Variants in NDST3 observed in about 807,000 individuals in gnomAD.
NDST3 encodes the protein bifunctional heparan sulfate N-deacetylase/N-sulfotransferase 3.
NDST3 carries 58 observed loss-of-function variants against 96.1 expected under a neutral mutation model. That is an observed-to-expected ratio of 0.60 (90% CI 0.49 to 0.75). The LOEUF is 0.75. Among genes scored for constraint, NDST3 ranks in the 30% least tolerant of loss-of-function variants. The probability of loss-of-function intolerance (pLI) is 0.00; values close to 1 mark genes in which losing one functional copy is unlikely to be tolerated. For synonymous variants in NDST3, 333 were observed against 359.7 expected, an observed-to-expected ratio of 0.93 and a Z score of 0.84; for missense variants, 788 against 1,034.2, an observed-to-expected ratio of 0.76 and a Z score of 3.27.
At chr4:118,223,297 C>A (rs996709565) in intron 6 of NDST3, among the ~76,000 whole-genome samples, 3 of 151,934 alleles carry the variant, frequency 2.0e-5, no homozygotes, top group African/African-American at 7.2e-5. Context: ...ATTGAAGTTG[C>A]TATTAAAAAA....
At chr4:118,078,368 G>A (rs1727742171) in intron 2 of NDST3, among the ~76,000 whole-genome samples, 1 of 152,070 alleles carries the variant, frequency 6.6e-6, no homozygotes, top group South Asian at 2.1e-4. Flanking sequence ...TAGACTGAAA[G>A]GCTTCTCATC....
chr4:118,076,379 C>T (rs1727531788), intron 2 of NDST3, among the ~76,000 whole-genome samples: 1 of 152,126 alleles, frequency 6.6e-6, no homozygotes, highest in South Asian at 2.1e-4. Context: ...TGGATGATAT[C>T]CTCAAATATG....
chr4:118,189,198 C>T (rs1737151518), intron 6 of NDST3, among the ~76,000 whole-genome samples: 1 of 152,030 alleles, frequency 6.6e-6, no homozygotes, highest in African/African-American at 2.4e-5. Context: ...CACAGGTACA[C>T]GCCAGCATGC....
At chr4:118,228,086 T>C (rs1446066216) in intron 8 of NDST3, among the ~76,000 whole-genome samples, 1 of 152,200 alleles carries the variant, frequency 6.6e-6, no homozygotes, top group Non-Finnish European at 1.5e-5. Flanking sequence ...ACATTCCCTC[T>C]CCTCATTGAT....
intron 2 of NDST3, among the ~76,000 whole-genome samples, chr4:118,069,516 AT>A (rs1726869575): frequency 6.6e-6 from 1 of 152,032 alleles, no homozygotes; most frequent in African/African-American, 2.4e-5. Context: ...ATAAATTTTT[AT>A]TATTTTAAAT....
At chr4:118,200,316 C>A (rs1205770815) in intron 6 of NDST3, among the ~76,000 whole-genome samples, 2 of 152,198 alleles carry the variant, frequency 1.3e-5, no homozygotes, top group Non-Finnish European at 2.9e-5. Flanking sequence ...GCGAGCCTCA[C>A]CTCATGGCCA....
At chr4:118,152,865 G>A (rs150333689) in intron 6 of NDST3, among the ~76,000 whole-genome samples, 20 of 152,210 alleles carry the variant, frequency 1.3e-4, no homozygotes, top group African/African-American at 4.6e-4. Flanking sequence ...TGCCTCGTCC[G>A]CTGGATTCTC....
At chr4:118,122,461 T>C (rs2125875833) in intron 4 of NDST3, among the ~76,000 whole-genome samples, 1 of 147,268 alleles carries the variant, frequency 6.8e-6, no homozygotes, top group East Asian at 2.0e-4. Context: ...CACTCCATGT[T>C]CCCATGCATT....
chr4:118,137,903 G>A (rs1733246870), intron 4 of NDST3, 151 bp from the exon 5 acceptor site: 1 of 617,840 alleles, frequency 1.6e-6, no homozygotes, highest in Non-Finnish European at 2.6e-6. Context: ...ACGTCTAGAG[G>A]TGTTAATACT....
chr4:118,191,693 A>G (rs1046929292), intron 6 of NDST3, among the ~76,000 whole-genome samples: 5 of 152,230 alleles, frequency 3.3e-5, no homozygotes, highest in African/African-American at 1.2e-4. Flanking sequence ...CATCCCCTCA[A>G]GCATTTGTGT....
rs78861041 is a variant in NDST3, at chr4:118,056,879, G to A, written c.981+1988G>A. On this transcript the variant is annotated intron_variant, in intron 2 of 13. Coordinates refer to ENST00000296499, the MANE Select transcript of NDST3 (RefSeq NM_004784.3). Reference sequence around the variant, plus strand: ...TGGTAAGCACAATAGCAAACATATCGACACAGTTTCATATAAATTATGTTG... The same window carrying A: ...TGGTAAGCACAATAGCAAACATATCAACACAGTTTCATATAAATTATGTTG... Among the ~76,000 whole-genome samples the A allele has an allele frequency of 9.1e-3, 1,386 of 152,038 alleles. 13 individuals are homozygous for A. Among genetic ancestry groups the A allele is most frequent in the African/African-American group, 0.031 (1,304 of 41,510 alleles).
chr4:118,093,751 C>A (rs1442469578), intron 2 of NDST3, among the ~76,000 whole-genome samples: 1 of 151,824 alleles, frequency 6.6e-6, no homozygotes, highest in Non-Finnish European at 1.5e-5. Flanking sequence ...GAGCATGAAA[C>A]CCTTTCTTAA....
intron 4 of NDST3, among the ~76,000 whole-genome samples, chr4:118,118,002 C>T (rs554764341): frequency 9.9e-5 from 15 of 151,958 alleles, no homozygotes; most frequent in Admixed American, 5.9e-4. Context: ...TGGAGGGGGT[C>T]GAAGGGGTAG....
intron 6 of NDST3, among the ~76,000 whole-genome samples, chr4:118,150,607 ATT>A (rs1483957082): frequency 6.6e-6 from 1 of 151,326 alleles, no homozygotes; most frequent in Non-Finnish European, 1.5e-5. Flanking sequence ...AAAAGAAGAC[ATT>A]TATGCAGCCA....
intron 2 of NDST3, among the ~76,000 whole-genome samples, chr4:118,071,075 T>A (rs577784132): frequency 2.6e-5 from 4 of 152,220 alleles, no homozygotes; most frequent in Admixed American, 2.6e-4. Context: ...TATGGCTGCA[T>A]AGTATTCCAT....
chr4:118,176,641 G>A (rs1471185199), intron 6 of NDST3, among the ~76,000 whole-genome samples: 1 of 151,868 alleles, frequency 6.6e-6, no homozygotes, highest in East Asian at 1.9e-4. Context: ...CAGAGAATGT[G>A]GAATGTTCTC....
chr4:118,237,683 C>A (rs1042160635), intron 10 of NDST3, among the ~76,000 whole-genome samples: 3 of 152,150 alleles, frequency 2.0e-5, no homozygotes, highest in Admixed American at 6.5e-5. Context: ...TATGTAAATG[C>A]ATAAGCATTC....
Position 118,226,788 on chromosome 4 carries a change from T to C in NDST3, c.1723-98T>C, listed in dbSNP as rs561949667. The C allele has an allele frequency of 8.3e-5, 68 of 814,466 alleles. 2 individuals are homozygous for C. In the South Asian group the frequency reaches 1.2e-3, roughly 14 times the overall value. The allele number at this position is 814,466 out of a possible 1,614,324, so 50.5% of individuals were successfully genotyped here. ...AAGAGTCTATTTTTTATCCCAGCGT[T>C]TCCTGGTATACTTTTAAAGAACACA... On this transcript the variant is annotated intron_variant, in intron 7 of 13. Coordinates refer to ENST00000296499, the MANE Select transcript of NDST3 (RefSeq NM_004784.3).
At chr4:118,230,975 T>C (rs1740246000) in intron 8 of NDST3, among the ~76,000 whole-genome samples, 1 of 152,170 alleles carries the variant, frequency 6.6e-6, no homozygotes, top group Non-Finnish European at 1.5e-5. Flanking sequence ...ATTTATTTAC[T>C]TAAATATTGC....
Sources: allele counts gnomAD v4.1 joint callset (sites outside exome capture counted in the v4.1 genomes callset), GRCh38; gene constraint gnomAD v4.1.1; transcripts MANE v1.5; gene names NCBI Gene and HGNC (gene_info 2026-07-23, HGNC 2026-07-21).